GNG7: variants seen among roughly 807,000 people sequenced by gnomAD.
The protein encoded by GNG7 is G protein subunit gamma 7, also known as guanine nucleotide-binding protein G(I)/G(S)/G(O) subunit gamma-7.
In GNG7, 1 loss-of-function variant was observed where a neutral mutation model predicts 4.0. The observed-to-expected ratio is 0.25, with a 90% confidence interval of 0.09 to 1.18. The LOEUF (loss-of-function observed/expected upper bound fraction) is 1.18. Ranked by LOEUF, GNG7 falls within the 50% of genes most tolerant of loss-of-function variation. The pLI is 0.50. For synonymous variants in GNG7, 34 were observed against 36.9 expected (o/e 0.92, Z 0.29); for missense variants, 86 against 91.9 (o/e 0.94, Z 0.26).
rs1489303097 is a variant in GNG7 at position 2,638,665 on chromosome 19, C to T, written c.-78+7559G>A. On this transcript the variant is annotated intron_variant, in intron 2 of 4. Coordinates refer to ENST00000382159, the MANE Select transcript of GNG7 (RefSeq NM_052847.3). ...GGGCCATGTTGAGCAGTGTCCCTGA[C>T]CTCCAACCACTCATGCCAGGAGCAC... Among the ~76,000 whole-genome samples the T allele has an allele frequency of 2.0e-5, 3 of 150,508 alleles. No homozygotes were observed. In the East Asian group the frequency reaches 6.0e-4, roughly 30 times the overall value.
At chr19:2,628,280 T>G (rs1982069478) in intron 2 of GNG7, among the ~76,000 whole-genome samples, 1 of 152,158 alleles carries the variant, frequency 6.6e-6, no homozygotes. Context: ...CATCTGGAAT[T>G]TGGGGTCCTC....
intron 3 of GNG7, among the ~76,000 whole-genome samples, chr19:2,551,590 C>CAAATACATATTTATAAATATGT (rs1568240124): frequency 1.6e-5 from 2 of 122,576 alleles, no homozygotes; most frequent in African/African-American, 3.0e-5. Context: ...TATAAATATG[C>CAAATACATATTTATAAATATGT]ATTTATAAAT....
chr19:2,617,729 T>A lies in GNG7; in HGVS notation c.-78+28495A>T, dbSNP rs543542982. 2.1e-3 allele frequency among the ~76,000 whole-genome samples: 320 copies of A among 151,960 alleles called. No individual in the cohort carries two copies. Among genetic ancestry groups the A allele is most frequent in the African/African-American group, 5.5e-3 (229 of 41,428 alleles). ...TTTTGTCTTTTCCTTTTTATTTTTT[T>A]TTTTTTTGAGATAGGGTCTTGCTCT... On this transcript the variant is annotated intron_variant, in intron 2 of 4. Transcript: ENST00000382159. This position sits in a 1 kb window ranked among gnomAD's most constrained non-coding sequence, Gnocchi z 4.7.
chr19:2,671,387 A>C (rs1983448083), intron 1 of GNG7, among the ~76,000 whole-genome samples: 1 of 152,110 alleles, frequency 6.6e-6, no homozygotes. Context: ...AGCACCAGCC[A>C]AAAGGACCAA....
intron 2 of GNG7, among the ~76,000 whole-genome samples, chr19:2,621,454 T>C (rs1475530066): frequency 6.6e-6 from 1 of 151,682 alleles, no homozygotes; most frequent in African/African-American, 2.4e-5. Flanking sequence ...TCCCAGCACT[T>C]TGGGAGGCCG....
rs942388014 is a variant in GNG7, at chr19:2,514,793, G to A, written c.*229C>T. On this transcript the variant is annotated 3_prime_UTR_variant, in exon 5 of 5. Transcript: ENST00000382159. ...CCCAAACTGAGAGGGCCATGGGGTCGGACCTGAAAATTCATCTCCACCTAC... is the reference window on the plus strand; with the variant it reads ...CCCAAACTGAGAGGGCCATGGGGTCAGACCTGAAAATTCATCTCCACCTAC... The A allele has an allele frequency of 3.5e-5, 15 of 426,676 alleles. No homozygotes were observed. Among genetic ancestry groups the A allele is most frequent in the Admixed American group, 2.7e-4 (7 of 26,256 alleles). The allele number at this position is 426,676 out of a possible 1,614,324, so 26.4% of individuals were successfully genotyped here. A position where few individuals can be genotyped will look rare whatever the true frequency, so the allele number is the denominator to read the frequency against.
chr19:2,581,324 TGGGGGTGG>T (rs1406694898), intron 2 of GNG7, among the ~76,000 whole-genome samples: 39 of 2,998 alleles, frequency 0.013, no homozygotes, highest in African/African-American at 0.041. Flanking sequence ...GGAGGGGTGA[TGGGGGTGG>T]GGGGGTGGGG....
intron 2 of GNG7, among the ~76,000 whole-genome samples, chr19:2,558,215 A>G (rs531126295): frequency 6.7e-6 from 1 of 150,206 alleles, no homozygotes; most frequent in Non-Finnish European, 1.5e-5. Context: ...CATCCTTGCC[A>G]CAGATGGGCA....
In GNG7 at chr19:2,617,745, G is replaced by C. The variant is rs62123732; in HGVS notation, c.-78+28479C>G. On this transcript the variant is annotated intron_variant, in intron 2 of 4. Transcript: ENST00000382159. This position sits in a 1 kb window ranked among gnomAD's most constrained non-coding sequence, Gnocchi z 4.7. ...TTATTTTTTTTTTTTTTGAGATAGG[G>C]TCTTGCTCTGTTGCCCAGGCTGGAG... Among the ~76,000 whole-genome samples the C allele has an allele frequency of 2.6e-4, 39 of 150,994 alleles. No individual in the cohort carries two copies. The East Asian group carries it at 7.2e-3, about 28-fold the overall frequency.
chr19:2,658,299 G>A (rs1983048748), intron 1 of GNG7, among the ~76,000 whole-genome samples: 1 of 152,124 alleles, frequency 6.6e-6, no homozygotes, highest in African/African-American at 2.4e-5. Context: ...CAAAAAGTAA[G>A]TATTTTATGC....
intron 2 of GNG7, among the ~76,000 whole-genome samples, chr19:2,568,741 C>A (rs1279065333): frequency 6.6e-6 from 1 of 151,300 alleles, no homozygotes; most frequent in African/African-American, 2.4e-5. Flanking sequence ...CATATACATA[C>A]ATACACACAT....
intron 1 of GNG7, among the ~76,000 whole-genome samples, chr19:2,676,557 G>C (rs140474453): frequency 6.6e-6 from 1 of 152,122 alleles, no homozygotes; most frequent in Non-Finnish European, 1.5e-5. Flanking sequence ...GACCACAGGC[G>C]CGCACCATCA....
chr19:2,553,889 C>T (rs7254017), intron 3 of GNG7, among the ~76,000 whole-genome samples: 1 of 142,166 alleles, frequency 7.0e-6, no homozygotes, highest in Non-Finnish European at 1.5e-5. Context: ...TGTACATATT[C>T]TATGTAATAT....
chr19:2,588,516 G>C (rs1045091561), intron 2 of GNG7, among the ~76,000 whole-genome samples: 5 of 152,228 alleles, frequency 3.3e-5, no homozygotes, highest in Non-Finnish European at 7.3e-5. Context: ...TCCCCCGGCT[G>C]GGAAAAAAGC....
rs1568242357 is a variant in GNG7 at position 2,557,112 on chromosome 19, CACACACGT to C, written c.-77-1932_-77-1925del. ...GCACACAGGAATACTCAGACACACG[CACACACGT>C]ACACACGTGTACTGCACACTCACGC... On this transcript the variant is annotated intron_variant, in intron 2 of 4. Coordinates refer to ENST00000382159, the MANE Select transcript of GNG7 (RefSeq NM_052847.3). This position sits in a 1 kb window ranked among gnomAD's most constrained non-coding sequence, Gnocchi z 5.1. 1.3e-5 allele frequency among the ~76,000 whole-genome samples: 2 copies of C among 151,516 alleles called. No homozygotes were observed. Among genetic ancestry groups the C allele is most frequent in the Non-Finnish European group, 2.9e-5 (2 of 67,870 alleles).
chr19:2,656,557 G>A (rs1377129376), intron 1 of GNG7, among the ~76,000 whole-genome samples: 3 of 152,158 alleles, frequency 2.0e-5, no homozygotes, highest in African/African-American at 4.8e-5. Context: ...CCAAGATCAC[G>A]CCACTGCACT....
In GNG7 at chr19:2,546,617, G is replaced by T. The variant is rs2144752669; in HGVS notation, c.-38+8532C>A. 6.6e-6 allele frequency among the ~76,000 whole-genome samples: 1 copy of T among 152,322 alleles called. No homozygotes were observed. The highest frequency in any genetic ancestry group is 1.9e-4 in the East Asian group (1 of 5,180). On this transcript the variant is annotated intron_variant, in intron 3 of 4. Coordinates refer to ENST00000382159, the MANE Select transcript of GNG7 (RefSeq NM_052847.3). The surrounding 1 kb of genome is among the most constrained non-coding windows in gnomAD (Gnocchi z 6.3). ...GGTGCCCACGAGAAAGTGAAAAATAGACCAGCGGGGCAGGTCCCGCCGCTG... is the reference window on the plus strand; with the variant it reads ...GGTGCCCACGAGAAAGTGAAAAATATACCAGCGGGGCAGGTCCCGCCGCTG...
intron 1 of GNG7, among the ~76,000 whole-genome samples, chr19:2,671,382 C>T (rs1322433884): frequency 6.6e-6 from 1 of 152,124 alleles, no homozygotes; most frequent in Non-Finnish European, 1.5e-5. Context: ...TGGCCAGCAC[C>T]AGCCAAAAGG....
intron 2 of GNG7, among the ~76,000 whole-genome samples, chr19:2,598,460 A>C (rs1225353431): frequency 6.6e-6 from 1 of 151,150 alleles, no homozygotes; most frequent in African/African-American, 2.4e-5. Context: ...GATCGAGACC[A>C]TCCTGGCTAA....
Sources: allele counts gnomAD v4.1 joint callset (sites outside exome capture counted in the v4.1 genomes callset), GRCh38; gene constraint gnomAD v4.1.1; non-coding constraint Gnocchi (gnomAD v3.1); transcripts MANE v1.5; gene names NCBI Gene and HGNC (gene_info 2026-07-23, HGNC 2026-07-21).